Variants in DIRAS2 observed in about 807,000 individuals in gnomAD.
The protein encoded by DIRAS2 is GTP-binding protein Di-Ras2.
DIRAS2 carries 5 observed loss-of-function variants against 13.9 expected under a neutral mutation model. The ratio of observed to expected loss-of-function variants is 0.36; its 90% CI spans 0.19 to 0.76. The LOEUF is 0.76. DIRAS2 is among the 30% of genes least tolerant of loss of function. DIRAS2 has a pLI of 0.53. For synonymous variants in DIRAS2, 111 were observed against 105.4 expected, an observed-to-expected ratio of 1.05 and a Z score of -0.33; for missense variants, 191 against 263.0, an observed-to-expected ratio of 0.73 and a Z score of 1.89.
intron 1 of DIRAS2, among the ~76,000 whole-genome samples, chr9:90,635,450 G>T (rs1825361618): frequency 6.6e-6 from 1 of 152,208 alleles, no homozygotes; most frequent in Admixed American, 6.5e-5. Context: ...TTAAAAAAAT[G>T]CAATGATAAT....
Position 90,613,348 on chromosome 9 carries a change from C to T in DIRAS2, c.480G>A (p.Glu160=), listed in dbSNP as rs1825134601. The T allele has an allele frequency of 1.2e-6, 2 of 1,614,090 alleles. No individual in the cohort carries two copies. Among genetic ancestry groups the T allele is most frequent in the East Asian group, 2.2e-5 (1 of 44,858 alleles). The change falls in exon 2 of 2, where the codon GAG becomes GAA. Residue 160 remains glutamate, a synonymous_variant. Coordinates refer to ENST00000375765, the MANE Select transcript of DIRAS2 (RefSeq NM_017594.5). The surrounding 1 kb of genome is among the most constrained non-coding windows in gnomAD (Gnocchi z 5.6). ...TSAKLNHNVK[E]LFQELLNLEK... is the part of the protein sequence containing the mutation. ...CCAGGTTGAGCAGCTCCTGGAAAAG[C>T]TCCTTCACGTTATGGTTGAGCTTGG...
At chr9:90,639,308 G>A (rs1391604351) in intron 1 of DIRAS2, among the ~76,000 whole-genome samples, 1 of 152,140 alleles carries the variant, frequency 6.6e-6, no homozygotes. Context: ...CAATTATAAA[G>A]CATGAGATTT....
intron 1 of DIRAS2, among the ~76,000 whole-genome samples, chr9:90,628,784 C>G (rs974373228): frequency 6.6e-5 from 10 of 152,270 alleles, no homozygotes; most frequent in Admixed American, 6.5e-4. Flanking sequence ...TGGGCTCAAG[C>G]AATCCACTTC....
chr9:90,640,658 T>A (rs555977815), intron 1 of DIRAS2, among the ~76,000 whole-genome samples: 1 of 152,228 alleles, frequency 6.6e-6, no homozygotes, highest in African/African-American at 2.4e-5. Context: ...GATAGACTGA[T>A]GATAGATAGA....
In DIRAS2 at chr9:90,611,789, G is replaced by A. The variant is rs1416159142; in HGVS notation, c.*1439C>T. 1 of 152,238 alleles carries A rather than the reference G, an allele frequency of 6.6e-6. No individual in the cohort carries two copies. Among genetic ancestry groups the A allele is most frequent in the Non-Finnish European group, 1.5e-5 (1 of 68,076 alleles). 9.4% of individuals were successfully genotyped at this position (152,238 alleles called of 1,614,324 possible). A position where few individuals can be genotyped will look rare whatever the true frequency, so the allele number is the denominator to read the frequency against. ...GCTGAGAGGATGATGCCACAGTTGG[G>A]GCCAGTAAATGTTCTGCCAACTGAA... On this transcript the variant is annotated 3_prime_UTR_variant, in exon 2 of 2. Transcript: ENST00000375765.
chr9:90,616,608 A>G (rs1455613506), intron 1 of DIRAS2, among the ~76,000 whole-genome samples: 1 of 152,122 alleles, frequency 6.6e-6, no homozygotes, highest in Non-Finnish European at 1.5e-5. Context: ...ATAACTCCAT[A>G]GTGATCTTCA....
Position 90,610,419 on chromosome 9 carries a change from G to T in DIRAS2, c.*2809C>A, listed in dbSNP as rs942824650. The T allele has an allele frequency of 2.0e-5, 8 of 398,822 alleles. No individual in the cohort carries two copies. The highest frequency in any genetic ancestry group is 3.5e-5 in the Non-Finnish European group (8 of 226,060). The allele number at this position is 398,822 out of a possible 1,614,324, so 24.7% of individuals were successfully genotyped here. On this transcript the variant is annotated 3_prime_UTR_variant, in exon 2 of 2. Transcript: ENST00000375765. ...TTGCTGCATTGTATGCATGCCCATG[G>T]CTTGTCGCTGGATGGAGGAGGGGCT...
intron 1 of DIRAS2, among the ~76,000 whole-genome samples, chr9:90,618,794 G>T (rs771794604): frequency 6.6e-6 from 1 of 152,120 alleles, no homozygotes; most frequent in Non-Finnish European, 1.5e-5. Context: ...TCAATAAGAA[G>T]ATATACAAAT....
chr9:90,635,631 T>G (rs147837978), intron 1 of DIRAS2, among the ~76,000 whole-genome samples: 1 of 152,314 alleles, frequency 6.6e-6, no homozygotes, highest in African/African-American at 2.4e-5. Flanking sequence ...CATGGGATAT[T>G]TAACTCATGA....
chr9:90,622,171 C>T (rs1825224859), intron 1 of DIRAS2, among the ~76,000 whole-genome samples: 1 of 152,146 alleles, frequency 6.6e-6, no homozygotes, highest in Admixed American at 6.5e-5. Context: ...AGGATCTCTT[C>T]AGCCCAGGAA....
At chr9:90,616,426 T>A (rs1825169356) in intron 1 of DIRAS2, among the ~76,000 whole-genome samples, 1 of 152,138 alleles carries the variant, frequency 6.6e-6, no homozygotes, top group Admixed American at 6.5e-5. Context: ...ATAAATTATA[T>A]CATAGCAAGT....
rs542816363 is a variant in DIRAS2 at position 90,629,075 on chromosome 9, G to C, written c.-37+13677C>G. ...TTCACCGTGTAAGCCAGGATGGTCT[G>C]GATCTCCTGACCTCGTGATCTGCCC... On this transcript the variant is annotated intron_variant, in intron 1 of 1. Transcript: ENST00000375765. 2.6e-5 allele frequency among the ~76,000 whole-genome samples: 4 copies of C among 151,038 alleles called. No individual in the cohort carries two copies. In the South Asian group the frequency reaches 6.3e-4, roughly 24 times the overall value.
intron 1 of DIRAS2, among the ~76,000 whole-genome samples, chr9:90,633,272 G>A (rs900915596): frequency 1.3e-5 from 2 of 152,196 alleles, no homozygotes; most frequent in Non-Finnish European, 2.9e-5. Context: ...GACATCAACA[G>A]CAACTAGTGA....
chr9:90,636,449 A>T (rs1002259518), intron 1 of DIRAS2, among the ~76,000 whole-genome samples: 1 of 152,206 alleles, frequency 6.6e-6, no homozygotes, highest in Admixed American at 6.5e-5. Flanking sequence ...AAAAGTTACC[A>T]TGCAAAAATC....
At chr9:90,623,687 A>C (rs1306167643) in intron 1 of DIRAS2, among the ~76,000 whole-genome samples, 1 of 152,206 alleles carries the variant, frequency 6.6e-6, no homozygotes. Flanking sequence ...GCATGATCTC[A>C]GGCAAAACAA....
At position 90,613,982 on chromosome 9, in the gene DIRAS2, G is replaced by A. The variant is rs1473818933; in HGVS notation, c.-36-119C>T. 2 of 1,036,114 alleles carry A rather than the reference G, an allele frequency of 1.9e-6. No individual in the cohort carries two copies. Among genetic ancestry groups the A allele is most frequent in the Non-Finnish European group, 2.7e-6 (2 of 736,514 alleles). 64.2% of individuals were successfully genotyped at this position (1,036,114 alleles called of 1,614,324 possible). ...GGGAGGTGATAACATTTAAAATAGC[G>A]ACAATTCTAAATCCAATAAATTTGG... On this transcript the variant is annotated intron_variant, in intron 1 of 1. Transcript: ENST00000375765. This position sits in a 1 kb window ranked among gnomAD's most constrained non-coding sequence, Gnocchi z 5.6.
intron 1 of DIRAS2, among the ~76,000 whole-genome samples, chr9:90,623,398 T>C (rs997526500): frequency 1.3e-5 from 2 of 152,140 alleles, no homozygotes; most frequent in Admixed American, 6.5e-5. Context: ...TTGGTTGAGC[T>C]AAACTGTCTC....
At chr9:90,624,552 G>A (rs891868888) in intron 1 of DIRAS2, among the ~76,000 whole-genome samples, 1 of 152,136 alleles carries the variant, frequency 6.6e-6, no homozygotes, top group African/African-American at 2.4e-5. Context: ...TTGGAATGGC[G>A]GGGATAGCAT....
chr9:90,620,163 T>G (rs1825206808), intron 1 of DIRAS2, among the ~76,000 whole-genome samples: 1 of 152,186 alleles, frequency 6.6e-6, no homozygotes, highest in Non-Finnish European at 1.5e-5. Flanking sequence ...ACCGCTGAAA[T>G]GTACACTTTA....
Sources: allele counts gnomAD v4.1 joint callset (sites outside exome capture counted in the v4.1 genomes callset), GRCh38; gene constraint gnomAD v4.1.1; non-coding constraint Gnocchi (gnomAD v3.1); transcripts MANE v1.5; gene names NCBI Gene and HGNC (gene_info 2026-07-23, HGNC 2026-07-21).